The following RIF1 variants were observed in gnomAD, a reference collection of about 807,000 sequenced individuals.
The protein encoded by RIF1 is replication timing regulatory factor 1.
RIF1 carries 45 observed loss-of-function variants against 247.1 expected under a neutral mutation model. The observed-to-expected ratio is 0.18, with a 90% confidence interval of 0.14 to 0.23. RIF1 has a LOEUF of 0.23. Among genes scored for constraint, RIF1 ranks in the 10% least tolerant of loss-of-function variants. The pLI, the probability that RIF1 is intolerant of heterozygous loss-of-function variation, is 1.00. For synonymous variants in RIF1, 1,087 were observed against 978.8 expected, an observed-to-expected ratio of 1.11 and a Z score of -2.06; for missense variants, 2,967 against 2,862.5, an observed-to-expected ratio of 1.04 and a Z score of -0.83.
chr2:151,473,560 G>C (rs377558148), intron 34 of RIF1, among the ~76,000 whole-genome samples: 8 of 151,972 alleles, frequency 5.3e-5, no homozygotes, highest in African/African-American at 1.7e-4. Flanking sequence ...AATTACAGGG[G>C]TGAGCCACTG....
At chr2:151,524,559 G>T in the RIF1 span, 4 of 1,613,058 alleles carry the variant, frequency 2.5e-6, no homozygotes, top group Non-Finnish European at 3.4e-6. Flanking sequence ...TTGATGTCTG[G>T]TCGATCAGCC....
At chr2:151,497,462 G>T (rs1369521906) in intron 10 of RIF1, 1 of 982,498 alleles carries the variant, frequency 1.0e-6, no homozygotes, top group Non-Finnish European at 1.2e-6. Flanking sequence ...AATGGGAATG[G>T]TGTTAGGCTA....
At chr2:151,411,593 G>T (rs1228843795) in intron 3 of RIF1, among the ~76,000 whole-genome samples, 1 of 152,070 alleles carries the variant, frequency 6.6e-6, no homozygotes, top group East Asian at 1.9e-4. Context: ...TAGAGAAGGG[G>T]TTTCTCCATG....
intron 23 of RIF1, among the ~76,000 whole-genome samples, chr2:151,457,205 C>T (rs568545142): frequency 1.3e-5 from 2 of 152,120 alleles, no homozygotes; most frequent in African/African-American, 4.8e-5. Flanking sequence ...TACCACACCC[C>T]TGCCCTCCTG....
chr2:151,469,620 C>A, intron 33 of RIF1, 91 bp from the exon 34 acceptor site: 1 of 987,068 alleles, frequency 1.0e-6, no homozygotes, highest in Non-Finnish European at 1.4e-6. Flanking sequence ...TATGATTGAG[C>A]TTAAATGGGG....
At chr2:151,525,979 T>C in the RIF1 span, 1 of 1,613,952 alleles carries the variant, frequency 6.2e-7, no homozygotes. Context: ...GCTTGGTCAC[T>C]TCCTTGACGT....
chr2:151,442,868 C>T (rs537954651), intron 16 of RIF1, among the ~76,000 whole-genome samples: 26 of 145,836 alleles, frequency 1.8e-4, no homozygotes, highest in African/African-American at 6.3e-4. Flanking sequence ...TTCTCCCGGT[C>T]TCATGCCATT....
At position 151,476,332 on chromosome 2, in the gene RIF1, T is replaced by C. The variant is rs568437643; in HGVS notation, c.*1261T>C. The C allele has an allele frequency of 6.6e-6, 1 of 152,324 alleles. No homozygotes were observed. Among genetic ancestry groups the C allele is most frequent in the Non-Finnish European group, 1.5e-5 (1 of 67,998 alleles). The allele number at this position is 152,324 out of a possible 1,614,324, so 9.4% of individuals were successfully genotyped here. A position where few individuals can be genotyped will look rare whatever the true frequency, so the allele number is the denominator to read the frequency against. On this transcript the variant is annotated 3_prime_UTR_variant, in exon 36 of 36. Coordinates refer to ENST00000444746, the MANE Select transcript of RIF1 (RefSeq NM_018151.5). The stretch of plus-strand genomic sequence containing the variant: ...GGTTTTCTTTTTTTAAAGAGGTATG[T>C]AATTAAAACCTTTGTAAAATTTGCC...
In RIF1 at chr2:151,469,843, C is replaced by G; in HGVS notation, c.7074C>G (p.Leu2358=). 6.2e-7 allele frequency: 1 copy of G among 1,605,284 alleles called. No homozygotes were observed. The highest frequency in any genetic ancestry group is 2.2e-5 in the East Asian group (1 of 44,712). ...AAGTGTCCAATGTAAAAAAGGCTCT[C>G]AGAATATATCATGAGCAGCAGGTAA... ...SPKVSNVKKA[L]RIYHEQQVKT... is the part of the protein sequence containing the mutation. The change falls in exon 34 of 36, where the codon CTC becomes CTG. Residue 2358 remains leucine (L), a synonymous_variant. Coordinates refer to ENST00000444746, the MANE Select transcript of RIF1 (RefSeq NM_018151.5).
At chr2:151,497,051 AACC>A in intron 10 of RIF1, 3 of 1,555,768 alleles carry the variant, frequency 1.9e-6, no homozygotes, top group Non-Finnish European at 2.6e-6. Context: ...ATAAGAAAGC[AACC>A]AGAAAAACAA....
At position 151,445,364 on chromosome 2, in the gene RIF1, C is replaced by G; in HGVS notation, c.2013C>G (p.Ala671=). 2 of 1,604,938 alleles carry G rather than the reference C, an allele frequency of 1.2e-6. No homozygotes were observed. Among genetic ancestry groups the G allele is most frequent in the Non-Finnish European group, 1.7e-6 (2 of 1,171,800 alleles). Reference sequence around the variant, plus strand: ...CCAATGAAGTAAATCAAGGTGATGCCTTAGAACATAATTTTAGTGCCATCT... The same window carrying G: ...CCAATGAAGTAAATCAAGGTGATGCGTTAGAACATAATTTTAGTGCCATCT... The part of the protein sequence containing the change: ...NQTNEVNQGD[A]LEHNFSAIYG... Residue 671 remains alanine (A), a synonymous_variant, in exon 19 of 36, where the codon GCC becomes GCG. Coordinates refer to ENST00000444746, the MANE Select transcript of RIF1 (RefSeq NM_018151.5).
intron 8 of RIF1, among the ~76,000 whole-genome samples, chr2:151,424,854 T>C (rs200450458): frequency 1.7e-4 from 21 of 120,086 alleles, no homozygotes; most frequent in East Asian, 3.9e-4. Flanking sequence ...TTTTTTTTTT[T>C]TTCCATATTT....
rs61748235 is a variant in RIF1 at position 151,465,763 on chromosome 2, C to T, written c.6243C>T (p.Asp2081=). Residue 2081 remains aspartate, a synonymous_variant, in exon 30 of 36, where the codon GAC becomes GAT. Transcript: ENST00000444746. ...TGAGCACTGAAGAAGGAATCATTGA[C>T]GCTAATAAAACTGAAACAAATACTG... ...VEMSTEEGII[D]ANKTETNTEY... The T allele has an allele frequency of 2.5e-4, 405 of 1,612,694 alleles. 1 individual carries two copies. Among genetic ancestry groups the T allele is most frequent in the South Asian group, 7.8e-4 (71 of 91,050 alleles).
In RIF1 at chr2:151,463,539, A is replaced by C; in HGVS notation, c.4019A>C (p.Asp1340Ala). Residue 1340 changes from aspartate (D) to alanine (A), a missense_variant, in exon 30 of 36, where the codon GAT becomes GCT. Physicochemically the swap from Asp to Ala is moderately radical, Grantham distance 126. Around this residue, in one of 7 missense-constraint regions of RIF1, gnomAD observed 2,028 missense variants for 1,825.6 expected, o/e 1.11. Coordinates refer to ENST00000444746, the MANE Select transcript of RIF1 (RefSeq NM_018151.5). Reference protein sequence around the residue: ...GLLNQTECVSDNQVHLSESTM... With the variant: ...GLLNQTECVSANQVHLSESTM... ...CTTAATCAAACAGAATGTGTGTCAG[A>C]TAATCAGGTTCATCTTTCTGAATCT... 1 of 1,614,058 alleles carries C rather than the reference A, an allele frequency of 6.2e-7. No individual in the cohort carries two copies. Among genetic ancestry groups the C allele is most frequent in the Non-Finnish European group, 8.5e-7 (1 of 1,179,994 alleles).
intron 6 of RIF1, 129 bp downstream of exon 6, chr2:151,417,030 A>G (rs1480988565): frequency 1.4e-5 from 9 of 652,400 alleles, no homozygotes; most frequent in Admixed American, 6.5e-5. Context: ...AAACGACTCA[A>G]GGACAAAAAG....
Position 151,490,418 on chromosome 2 carries a change from G to A in RIF1, c.*416-4811G>A, listed in dbSNP as rs2152776470. 4 of 1,599,242 alleles carry A rather than the reference G, an allele frequency of 2.5e-6. No individual in the cohort carries two copies. The highest frequency in any genetic ancestry group is 2.3e-5 in the East Asian group (1 of 44,236). ...CCCCGTCGCTGTAAGTCGAAAGGTG[G>A]TGGTCTGGTGCTTCTGAATGCTCAG... On this transcript the variant is annotated intron_variant and NMD_transcript_variant, in intron 9 of 13. Transcript: ENST00000454583.
chr2:151,465,483 C>T lies in RIF1; in HGVS notation c.5963C>T (p.Thr1988Ile), dbSNP rs1355260192. ...NTTPVKLNAQ[T>I]EISEQTAAGE... ...ACACCTGTAAAATTGAATGCTCAAACTGAGATTTCTGAACAAACAGCAGCT... is the reference window on the plus strand; with the variant it reads ...ACACCTGTAAAATTGAATGCTCAAATTGAGATTTCTGAACAAACAGCAGCT... The change falls in exon 30 of 36, where the codon ACT (threonine) becomes ATT (isoleucine). Residue 1988 changes from threonine to isoleucine, a missense_variant. Around this residue, in one of 7 missense-constraint regions of RIF1, gnomAD observed 2,028 missense variants for 1,825.6 expected, o/e 1.11. Coordinates refer to ENST00000444746, the MANE Select transcript of RIF1 (RefSeq NM_018151.5). 1.2e-6 allele frequency: 2 copies of T among 1,613,956 alleles called. No individual in the cohort carries two copies. Among genetic ancestry groups the T allele is most frequent in the Admixed American group, 3.3e-5 (2 of 60,012 alleles).
the RIF1 span, chr2:151,526,228 CCT>C: frequency 6.2e-7 from 1 of 1,612,924 alleles, no homozygotes; most frequent in East Asian, 2.2e-5. Context: ...ATGGCAGGTT[CCT>C]CTTTCCTTGA....
intron 26 of RIF1, 104 bp downstream of exon 26, chr2:151,460,223 G>A: frequency 1.1e-6 from 1 of 941,732 alleles, no homozygotes; most frequent in Non-Finnish European, 1.5e-6. Flanking sequence ...CTAAATAAAG[G>A]TTGGGATTGC....
Sources: gnomAD v4.1 joint callset for allele counts (sites outside exome capture counted in the v4.1 genomes callset) on GRCh38, gnomAD v4.1.1 for gene constraint, gnomAD v4.1.1 regional missense constraint, MANE v1.5 for transcripts, NCBI Gene and HGNC (gene_info 2026-07-23, HGNC 2026-07-21) for gene names.